The following NCAPG variants were observed in gnomAD, a reference collection of about 807,000 sequenced individuals.
NCAPG encodes the protein condensin complex subunit 3.
In NCAPG, 69 loss-of-function variants were observed where a neutral mutation model predicts 113.1. The observed-to-expected ratio is 0.61, with a 90% CI of 0.50 to 0.75. NCAPG has a LOEUF of 0.75. NCAPG is among the 30% of genes least tolerant of loss of function. The pLI is 0.00. For missense variants in NCAPG, 1,058 were observed against 1,177.0 expected, an observed-to-expected ratio of 0.90 and a Z score of 1.48; for synonymous variants, 370 against 415.8, an observed-to-expected ratio of 0.89 and a Z score of 1.34.
chr4:17,839,699 G>A lies in NCAPG; in HGVS notation c.2490G>A (p.Leu830=), dbSNP rs1385137214. 1.4e-5 allele frequency: 22 copies of A among 1,560,820 alleles called. No individual in the cohort carries two copies. The South Asian group carries it at 2.4e-4, about 17-fold the overall frequency. Residue 830 remains leucine, a synonymous_variant, in exon 17 of 21, where the codon TTG becomes TTA. Transcript: ENST00000251496. ...DYQALTVHDN[L]AMKICNEILT... ...AGGCCTTAACAGTACATGACAATTT[G>A]GCTATGAAAATTTGCAATGAGATCT...
Position 17,811,582 on chromosome 4 carries a change from C to T in NCAPG, c.111+394C>T, listed in dbSNP as rs1720951894. Among the ~76,000 whole-genome samples, 1 of 152,080 alleles carries T rather than the reference C, an allele frequency of 6.6e-6. No individual in the cohort carries two copies. The highest frequency in any genetic ancestry group is 6.6e-5 in the Admixed American group (1 of 15,266). Reference sequence around the variant, plus strand: ...ATGCGGGGGTTCAGTGGTCGTTGCCCCTGGGGTCATCGCTCCCCGCCGAAC... The same window carrying T: ...ATGCGGGGGTTCAGTGGTCGTTGCCTCTGGGGTCATCGCTCCCCGCCGAAC... On this transcript the variant is annotated intron_variant, in intron 1 of 20. Coordinates refer to ENST00000251496, the MANE Select transcript of NCAPG (RefSeq NM_022346.5). This position sits in a 1 kb window ranked among gnomAD's most constrained non-coding sequence, Gnocchi z 5.3.
At position 17,840,092 on chromosome 4, in the gene NCAPG, C is replaced by A; in HGVS notation, c.2650C>A (p.Leu884Met). 6.2e-7 allele frequency: 1 copy of A among 1,609,212 alleles called. No individual in the cohort carries two copies. Among genetic ancestry groups the A allele is most frequent in the South Asian group, 1.1e-5 (1 of 89,938 alleles). ...ATAGCAAGTAAAAGATAGGACATGT[C>A]TGAGAGCTTTGGAGAAAATCAAGAT... ...ILEQVKDRTC[L>M]RALEKIKIQL... Residue 884 changes from leucine to methionine, a missense_variant, in exon 18 of 21, where the codon CTG becomes ATG. Transcript: ENST00000251496.
chr4:17,840,537 C>A, intron 18 of NCAPG, 70 bp from the exon 19 acceptor site: 1 of 964,952 alleles, frequency 1.0e-6, no homozygotes, highest in Non-Finnish European at 1.4e-6. Context: ...AAAAACTGGT[C>A]TTAAAAAGAC....
intron 12 of NCAPG, among the ~76,000 whole-genome samples, chr4:17,830,553 C>CTTTTTTTTT (rs770223582): frequency 1.5e-5 from 2 of 137,324 alleles, no homozygotes; most frequent in African/African-American, 2.7e-5. Flanking sequence ...ACTAGTTTCA[C>CTTTTTTTTT]TTTTTTTTTT....
Position 17,817,955 on chromosome 4 carries a change from GA to G in NCAPG, c.988del (p.Thr330HisfsTer2). On this transcript the variant is annotated frameshift_variant, in exon 7 of 21. Coordinates refer to ENST00000251496, the MANE Select transcript of NCAPG (RefSeq NM_022346.5). LOFTEE classifies it high-confidence loss of function. The stretch of plus-strand genomic sequence containing the variant: ...TAAATGAAGGAAATTGATTCCAGTG[GA>G]AACATTAACTCCTGAAATTGCTTTG... ...NNDGRKLIPV[E>X]TLTPEIALYW... 4.4e-6 allele frequency: 7 copies of G among 1,597,870 alleles called. No individual in the cohort carries two copies. Among genetic ancestry groups the G allele is most frequent in the Non-Finnish European group, 5.1e-6 (6 of 1,174,924 alleles).
Position 17,811,744 on chromosome 4 carries a change from C to T in NCAPG, c.112-477C>T, listed in dbSNP as rs984116417. Among the ~76,000 whole-genome samples, 1 of 152,070 alleles carries T rather than the reference C, an allele frequency of 6.6e-6. No individual in the cohort carries two copies. The highest frequency in any genetic ancestry group is 2.1e-4 in the South Asian group (1 of 4,826). On this transcript the variant is annotated intron_variant, in intron 1 of 20. Coordinates refer to ENST00000251496, the MANE Select transcript of NCAPG (RefSeq NM_022346.5). The surrounding 1 kb of genome is among the most constrained non-coding windows in gnomAD (Gnocchi z 5.3). ...GAGTGGAACCTTGAGAAGAATAGAA[C>T]AATTAATTTGGGGAAGATGAATTAT...
intron 12 of NCAPG, among the ~76,000 whole-genome samples, chr4:17,830,553 C>CTTTTTTTTTT (rs770223582): frequency 1.5e-5 from 2 of 137,326 alleles, no homozygotes; most frequent in African/African-American, 2.7e-5. Context: ...ACTAGTTTCA[C>CTTTTTTTTTT]TTTTTTTTTT....
chr4:17,828,229 G>A (rs1196297776), intron 11 of NCAPG, 49 bp from the exon 12 acceptor site: 6 of 1,347,042 alleles, frequency 4.5e-6, no homozygotes, highest in Admixed American at 3.6e-5. Flanking sequence ...AACATTTAAA[G>A]GATGGGGAGA....
chr4:17,840,502 A>G (rs1190706557), intron 18 of NCAPG, 105 bp from the exon 19 acceptor site: 1 of 687,512 alleles, frequency 1.5e-6, no homozygotes, highest in African/African-American at 1.9e-5. Context: ...TAGCTGCTAG[A>G]AGGACTTTGT....
In NCAPG at chr4:17,831,207, C is replaced by G; in HGVS notation, c.1884+91C>G. Reference sequence around the variant, plus strand: ...TACTCTGAATTTATCTATTCTGATTCTTATTGATGATGATTATTATGGATA... The same window carrying G: ...TACTCTGAATTTATCTATTCTGATTGTTATTGATGATGATTATTATGGATA... On this transcript the variant is annotated intron_variant, in intron 13 of 20. Transcript: ENST00000251496. The G allele has an allele frequency of 2.3e-6, 3 of 1,296,246 alleles. No individual in the cohort carries two copies. In the South Asian group the frequency reaches 4.7e-5, roughly 20 times the overall value. 80.3% of individuals were successfully genotyped at this position (1,296,246 alleles called of 1,614,324 possible). A position where few individuals can be genotyped will look rare whatever the true frequency, so the allele number is the denominator to read the frequency against.
chr4:17,830,951 G>A, intron 12 of NCAPG, 46 bp from the exon 13 acceptor site: 5 of 1,577,494 alleles, frequency 3.2e-6, no homozygotes, highest in Non-Finnish European at 4.3e-6. Flanking sequence ...ATAGGGAAAT[G>A]AAGTAGATCT....
In NCAPG at chr4:17,831,043, C is replaced by T. The variant is rs770656068; in HGVS notation, c.1811C>T (p.Ala604Val). The T allele has an allele frequency of 3.1e-6, 5 of 1,613,176 alleles. No homozygotes were observed. Among genetic ancestry groups the T allele is most frequent in the Non-Finnish European group, 4.2e-6 (5 of 1,179,514 alleles). The part of the protein sequence containing the change: ...ISIHPVVRNL[A>V]VLCLGCCGLQ... ...ATTCATCCTGTTGTAAGAAACCTGGCTGTTTTATGCTTGGGATGCTGTGGA... is the reference window on the plus strand; with the variant it reads ...ATTCATCCTGTTGTAAGAAACCTGGTTGTTTTATGCTTGGGATGCTGTGGA... Residue 604 changes from alanine (A) to valine (V), a missense_variant, in exon 13 of 21, where the codon GCT (alanine) becomes GTT (valine). Transcript: ENST00000251496.
chr4:17,825,620 T>C, intron 11 of NCAPG, 59 bp downstream of exon 11: 1 of 1,414,468 alleles, frequency 7.1e-7, no homozygotes, highest in Non-Finnish European at 9.6e-7. Flanking sequence ...CAACTAAATC[T>C]TATTTTCTCT....
chr4:17,842,521 GTCTA>G, intron 20 of NCAPG, 142 bp downstream of exon 20: 1 of 658,720 alleles, frequency 1.5e-6, no homozygotes. Context: ...TAGGTATATA[GTCTA>G]AAATTCCATC....
At chr4:17,829,356 T>C (rs1194163940) in intron 12 of NCAPG, among the ~76,000 whole-genome samples, 1 of 152,214 alleles carries the variant, frequency 6.6e-6, no homozygotes, top group African/African-American at 2.4e-5. Flanking sequence ...CTGAATGTAG[T>C]AAAGAAAACC....
At position 17,811,070 on chromosome 4, in the gene NCAPG, C is replaced by G; in HGVS notation, c.-8C>G. On this transcript the variant is annotated 5_prime_UTR_variant, in exon 1 of 21. Transcript: ENST00000251496. The surrounding 1 kb of genome is among the most constrained non-coding windows in gnomAD (Gnocchi z 5.3). ...GGGCAGGACTCGTCCCGGCAGGGTTCCAGAGCCATGGGAGCGGAAAGGAGG... is the reference window on the plus strand; with the variant it reads ...GGGCAGGACTCGTCCCGGCAGGGTTGCAGAGCCATGGGAGCGGAAAGGAGG... 1 of 1,488,524 alleles carries G rather than the reference C, an allele frequency of 6.7e-7. No homozygotes were observed. The allele number at this position is 1,488,524 out of a possible 1,614,324, so 92.2% of individuals were successfully genotyped here. A position where few individuals can be genotyped will look rare whatever the true frequency, so the allele number is the denominator to read the frequency against.
At position 17,839,820 on chromosome 4, in the gene NCAPG, T is replaced by C. The variant is rs937039948; in HGVS notation, c.2611T>C (p.Leu871=). 5 of 1,584,704 alleles carry C rather than the reference T, an allele frequency of 3.2e-6. No individual in the cohort carries two copies. Among genetic ancestry groups the C allele is most frequent in the Middle Eastern group, 1.7e-4 (1 of 5,934 alleles). Residue 871 remains leucine (L), a synonymous_variant, in exon 17 of 21, where the codon TTG becomes CTG. Transcript: ENST00000251496. ...SHLAKDLLVL[L]NEILEQVKDR... is the part of the protein sequence containing the mutation. ...TCTTGCAAAAGATCTTCTGGTTCTA[T>C]TGAATGAGATTCTGGAGGTAAAGTA...
At chr4:17,838,714 C>A (rs1056071372) in intron 16 of NCAPG, among the ~76,000 whole-genome samples, 1 of 152,086 alleles carries the variant, frequency 6.6e-6, no homozygotes, top group South Asian at 2.1e-4. Flanking sequence ...GGGCACAACA[C>A]TGGGGGTAGA....
At chr4:17,838,635 G>C (rs930424520) in intron 16 of NCAPG, among the ~76,000 whole-genome samples, 1 of 152,146 alleles carries the variant, frequency 6.6e-6, no homozygotes, top group African/African-American at 2.4e-5. Context: ...GATATATGTA[G>C]ATGGTTATGC....
Sources: allele counts gnomAD v4.1 joint callset (sites outside exome capture counted in the v4.1 genomes callset), GRCh38; gene constraint gnomAD v4.1.1; non-coding constraint Gnocchi (gnomAD v3.1); transcripts MANE v1.5; gene names NCBI Gene and HGNC (gene_info 2026-07-23, HGNC 2026-07-21).